Variants in TRERF1 observed in about 807,000 individuals in gnomAD.
The protein encoded by TRERF1 is transcriptional regulating factor 1.
In TRERF1, 27 loss-of-function variants were observed where a neutral mutation model predicts 122.9. That is an observed-to-expected ratio of 0.22 (90% CI 0.16 to 0.30). The LOEUF is 0.30. TRERF1 is among the 10% of genes least tolerant of loss of function. TRERF1 has a pLI of 1.00. For missense variants in TRERF1, 1,248 were observed against 1,560.3 expected, an observed-to-expected ratio of 0.80 and a Z score of 3.37; for synonymous variants, 636 against 641.7, an observed-to-expected ratio of 0.99 and a Z score of 0.13.
chr6:42,445,203 A>C (rs1369880937), intron 2 of TRERF1, among the ~76,000 whole-genome samples: 2 of 151,030 alleles, frequency 1.3e-5, no homozygotes, highest in East Asian at 4.0e-4. Context: ...TGGGAGGCAG[A>C]GGTTGCATGA....
At chr6:42,267,368 C>T (rs1279986230) in intron 5 of TRERF1, among the ~76,000 whole-genome samples, 2 of 152,134 alleles carry the variant, frequency 1.3e-5, no homozygotes, top group Non-Finnish European at 2.9e-5. Flanking sequence ...CAGTGGCTCA[C>T]ACCTGTAATC....
intron 3 of TRERF1, among the ~76,000 whole-genome samples, chr6:42,310,266 G>A (rs1451904946): frequency 6.6e-6 from 1 of 152,226 alleles, no homozygotes; most frequent in Admixed American, 6.5e-5. Flanking sequence ...ACCACGCCCC[G>A]GCCTACACAT....
Position 42,228,402 on chromosome 6 carries a change from G to A in TRERF1, c.3546C>T (p.Thr1182=), listed in dbSNP as rs138437729. The change falls in exon 18 of 18, where the codon ACC becomes ACT. Residue 1182 remains threonine (T), a synonymous_variant. Coordinates refer to ENST00000372922, the Ensembl canonical transcript of TRERF1. This position sits in a 1 kb window ranked among gnomAD's most constrained non-coding sequence, Gnocchi z 4.2. ...AATCTTGATCATCCAAGAGAAGATC[G>A]GTGTCCACAACTTCAGCCTCTTCCA... 3.1e-6 allele frequency: 5 copies of A among 1,614,144 alleles called. No homozygotes were observed. The highest frequency in any genetic ancestry group is 2.2e-5 in the East Asian group (1 of 44,870).
At chr6:42,337,001 C>A (rs1265443150) in intron 3 of TRERF1, among the ~76,000 whole-genome samples, 1 of 152,058 alleles carries the variant, frequency 6.6e-6, no homozygotes, top group Non-Finnish European at 1.5e-5. Flanking sequence ...CTGCGGGGGG[C>A]AGGGGGTGCG....
At chr6:42,272,586 G>T (rs1023336152) in intron 4 of TRERF1, among the ~76,000 whole-genome samples, 3 of 152,298 alleles carry the variant, frequency 2.0e-5, no homozygotes, top group African/African-American at 7.2e-5. Flanking sequence ...ATGTCCAGAT[G>T]AAAATTTGAG....
chr6:42,447,758 G>A (rs1228094840), intron 2 of TRERF1, among the ~76,000 whole-genome samples: 2 of 152,140 alleles, frequency 1.3e-5, no homozygotes, highest in Admixed American at 6.5e-5. Flanking sequence ...AGGCTGGAGT[G>A]CAATGGCATG....
chr6:42,389,224 C>G (rs368263934), intron 2 of TRERF1, among the ~76,000 whole-genome samples: 97 of 152,314 alleles, frequency 6.4e-4, no homozygotes, highest in African/African-American at 2.1e-3. Context: ...AGGCAAGAAG[C>G]GAGGTACCTC....
chr6:42,259,714 T>C lies in TRERF1; in HGVS notation c.1894A>G (p.Arg632Gly). Reference sequence around the variant, plus strand: ...TTGGGCACACTCGGCTGATGCTTCCTGGGGATTTCCTAAAACCGGAACAAC... The same window carrying C: ...TTGGGCACACTCGGCTGATGCTTCCCGGGGATTTCCTAAAACCGGAACAAC... Residue 632 changes from arginine to glycine, a missense_variant, in exon 9 of 18, where the codon AGG becomes GGG. Physicochemically the swap from Arg to Gly is moderately radical, Grantham distance 125. Coordinates refer to ENST00000372922, the Ensembl canonical transcript of TRERF1. The surrounding 1 kb of genome is among the most constrained non-coding windows in gnomAD (Gnocchi z 4.9). 6.2e-7 allele frequency: 1 copy of C among 1,602,426 alleles called. No homozygotes were observed. The highest frequency in any genetic ancestry group is 1.1e-5 in the South Asian group (1 of 91,084).
intron 9 of TRERF1, 88 bp from the exon 10 acceptor site, chr6:42,258,289 T>G: frequency 1.7e-6 from 2 of 1,188,782 alleles, no homozygotes; most frequent in South Asian, 2.6e-5. Context: ...TAACCAGCCA[T>G]AATAGAGCTT....
rs1269212929 is a variant in TRERF1 at position 42,276,227 on chromosome 6, A to G, written c.-258-6379T>C. Among the ~76,000 whole-genome samples the G allele has an allele frequency of 2.0e-5, 3 of 152,232 alleles. No homozygotes were observed. Among genetic ancestry groups the G allele is most frequent in the Non-Finnish European group, 4.4e-5 (3 of 68,046 alleles). On this transcript the variant is annotated intron_variant, in intron 4 of 17. Transcript: ENST00000372922. This position sits in a 1 kb window ranked among gnomAD's most constrained non-coding sequence, Gnocchi z 4.3. ...GGGCCACCCTTTGAACCAGAGACAC[A>G]GACAGAGAGATACACCAGGAGAGGA...
At chr6:42,273,732 G>A (rs1001451559) in intron 4 of TRERF1, among the ~76,000 whole-genome samples, 12 of 152,204 alleles carry the variant, frequency 7.9e-5, no homozygotes, top group Admixed American at 3.3e-4. Context: ...TATCCTTTGG[G>A]CATTAGGCCT....
intron 4 of TRERF1, among the ~76,000 whole-genome samples, chr6:42,280,280 G>T (rs1333270959): frequency 6.6e-6 from 1 of 152,198 alleles, no homozygotes; most frequent in Non-Finnish European, 1.5e-5. Flanking sequence ...GGCAACTAGG[G>T]CTGGAGGCCT....
At chr6:42,225,971 G>A (rs1407101607) in exon 18 of TRERF1, 1 of 152,108 alleles carries the variant, frequency 6.6e-6, no homozygotes, top group Non-Finnish European at 1.5e-5. Context: ...AGATCTTTGG[G>A]GTGGGGTAAG....
intron 3 of TRERF1, among the ~76,000 whole-genome samples, chr6:42,321,343 GA>G (rs1002465355): frequency 2.6e-5 from 4 of 151,884 alleles, no homozygotes; most frequent in African/African-American, 9.7e-5. Context: ...TCAAATTTGA[GA>G]AGAATAGAGG....
intron 2 of TRERF1, among the ~76,000 whole-genome samples, chr6:42,436,078 A>C (rs1785303218): frequency 6.6e-6 from 1 of 152,108 alleles, no homozygotes; most frequent in Non-Finnish European, 1.5e-5. Flanking sequence ...ATATGAAAGG[A>C]TAATAAGCGT....
chr6:42,283,575 C>CAA (rs144465763), intron 4 of TRERF1, among the ~76,000 whole-genome samples: 4 of 131,998 alleles, frequency 3.0e-5, no homozygotes, highest in African/African-American at 5.6e-5. Context: ...ACATTACTTA[C>CAA]AAAAAAAACC....
At position 42,363,503 on chromosome 6, in the gene TRERF1, C is replaced by T. The variant is rs183521128; in HGVS notation, c.-453-424G>A. 1.6e-4 allele frequency among the ~76,000 whole-genome samples: 25 copies of T among 152,176 alleles called. No homozygotes were observed. The East Asian group carries it at 4.8e-3, about 29-fold the overall frequency. ...GTGATAACCCCCTAATTAGTTGTCC[C>T]ACTCCTCCCCTCACCTTTCTATAAC... On this transcript the variant is annotated intron_variant, in intron 2 of 17. Transcript: ENST00000372922.
At chr6:42,260,746 G>C (rs1259530027) in intron 8 of TRERF1, among the ~76,000 whole-genome samples, 1 of 152,050 alleles carries the variant, frequency 6.6e-6, no homozygotes, top group Non-Finnish European at 1.5e-5. Flanking sequence ...CGCCTGGGTA[G>C]GAAGCAGCAG....
intron 2 of TRERF1, among the ~76,000 whole-genome samples, chr6:42,407,027 C>A (rs960405912): frequency 6.6e-6 from 1 of 152,186 alleles, no homozygotes; most frequent in African/African-American, 2.4e-5. Context: ...GGGGCTTGGG[C>A]TAAGAAGCTC....
Sources: allele counts gnomAD v4.1 joint callset (sites outside exome capture counted in the v4.1 genomes callset), GRCh38; gene constraint gnomAD v4.1.1; non-coding constraint Gnocchi (gnomAD v3.1); transcripts MANE v1.5; gene names NCBI Gene and HGNC (gene_info 2026-07-23, HGNC 2026-07-21).